LOXL4: variants seen among roughly 807,000 people sequenced by gnomAD.
LOXL4 encodes lysyl oxidase homolog 4.
A neutral mutation model predicts 89.1 loss-of-function variants in LOXL4; 72 were observed. The observed-to-expected ratio is 0.81, with a 90% CI of 0.67 to 0.98. The LOEUF (loss-of-function observed/expected upper bound fraction) is 0.98, where lower values mean the gene tolerates loss of function less well. Among genes scored for constraint, LOXL4 ranks in the 50% least tolerant of loss-of-function variants. The pLI is 0.00. For missense variants in LOXL4, 984 were observed against 1,017.5 expected, an observed-to-expected ratio of 0.97 and a Z score of 0.45; for synonymous variants, 355 against 392.1, an observed-to-expected ratio of 0.91 and a Z score of 1.12.
In LOXL4 at chr10:98,251,051, T is replaced by C; in HGVS notation, c.2200+14A>G. On this transcript the variant is annotated intron_variant, in intron 14 of 14. Transcript: ENST00000260702. ...AGCCTATAGATGGCTGATTCCACAG[T>C]GGCTCGGAGTTACCTGTGTGGCAGT... The C allele has an allele frequency of 6.3e-7, 1 of 1,594,462 alleles. No homozygotes were observed. Among genetic ancestry groups the C allele is most frequent in the Non-Finnish European group, 8.6e-7 (1 of 1,162,732 alleles).
Position 98,259,128 on chromosome 10 carries a change from C to T in LOXL4, c.802G>A (p.Ala268Thr). Residue 268 changes from alanine (A) to threonine (T), a missense_variant, in exon 6 of 15, where the codon GCC becomes ACC. Ala to Thr is a moderately conservative substitution (Grantham distance 58, BLOSUM62 0). Coordinates refer to ENST00000260702, the MANE Select transcript of LOXL4 (RefSeq NM_032211.7). Reference protein sequence around the residue: ...MANCQVQVAPARGKLRPACPG... With the variant: ...MANCQVQVAPTRGKLRPACPG... ...CAGGCTGGCCGCAGCTTGCCCCGGG[C>T]TGGAGCCACCTGCACCTGGCAGTTG... 1.2e-6 allele frequency: 2 copies of T among 1,610,378 alleles called. No individual in the cohort carries two copies. Among genetic ancestry groups the T allele is most frequent in the Non-Finnish European group, 1.7e-6 (2 of 1,178,994 alleles).
chr10:98,252,557 A>C, intron 11 of LOXL4, 89 bp from the exon 12 acceptor site: 1 of 856,882 alleles, frequency 1.2e-6, no homozygotes, highest in Non-Finnish European at 1.9e-6. Flanking sequence ...CCCAGGCCCC[A>C]TCATGACCCG....
At chr10:98,256,757 G>A (rs971169336) in intron 9 of LOXL4, 23 bp downstream of exon 9, 3 of 1,613,702 alleles carry the variant, frequency 1.9e-6, no homozygotes, top group Admixed American at 3.3e-5. Context: ...AGGTCATACG[G>A]AAGAAACAAC....
intron 9 of LOXL4, chr10:98,256,195 A>T (rs1356406289): frequency 5.8e-6 from 1 of 171,232 alleles, no homozygotes; most frequent in Non-Finnish European, 1.2e-5. Flanking sequence ...TCTTGATTTT[A>T]TTTTTTGATG....
In LOXL4 at chr10:98,255,688, C is replaced by G. The variant is rs760848291; in HGVS notation, c.1480G>C (p.Gly494Arg). The G allele has an allele frequency of 5.0e-6, 8 of 1,613,580 alleles. No individual in the cohort carries two copies. In the South Asian group the frequency reaches 8.8e-5, roughly 18 times the overall value. ...TPRAQEVVMS[G>R]VRCSGTELAL... ...AGCTCTGTGCCTGAGCAGCGCACCCCACTCATCACCACCTCCTGGGCCCTT... is the reference window on the plus strand; with the variant it reads ...AGCTCTGTGCCTGAGCAGCGCACCCGACTCATCACCACCTCCTGGGCCCTT... The change falls in exon 10 of 15, where the codon GGG (glycine) becomes CGG (arginine). Residue 494 changes from glycine to arginine, a missense_variant. Coordinates refer to ENST00000260702, the MANE Select transcript of LOXL4 (RefSeq NM_032211.7).
In LOXL4 at chr10:98,257,698, A is replaced by T; in HGVS notation, c.1212T>A (p.Asn404Lys). ...GGACATTGCACCTGACAGCAGCATC[A>T]TTCTCATGTTGGCAACCATTCTGGG... is the stretch of plus-strand genomic sequence containing the variant. ...EGSQNGCQHENDAAVRCNVPN... is the reference protein window; with the variant it reads ...EGSQNGCQHEKDAAVRCNVPN... The change falls in exon 8 of 15, where the codon AAT (asparagine) becomes AAA (lysine). Residue 404 changes from asparagine (N) to lysine (K), a missense_variant. Physicochemically the swap from Asn to Lys is moderately conservative, Grantham distance 94. Transcript: ENST00000260702. The T allele has an allele frequency of 6.2e-7, 1 of 1,614,100 alleles. No individual in the cohort carries two copies. Among genetic ancestry groups the T allele is most frequent in the Non-Finnish European group, 8.5e-7 (1 of 1,179,996 alleles).
chr10:98,251,854 A>C, intron 12 of LOXL4, 152 bp from the exon 13 acceptor site: 1 of 909,074 alleles, frequency 1.1e-6, no homozygotes, highest in Non-Finnish European at 1.6e-6. Flanking sequence ...ACCATAGCAA[A>C]CCACATTGTG....
chr10:98,263,875 C>T lies in LOXL4; in HGVS notation c.-32-824G>A, dbSNP rs147182056. Among the ~76,000 whole-genome samples the T allele has an allele frequency of 6.0e-3, 916 of 151,902 alleles. 5 individuals carry two copies. Among genetic ancestry groups the T allele is most frequent in the African/African-American group, 0.021 (876 of 41,420 alleles). On this transcript the variant is annotated intron_variant, in intron 1 of 14. Coordinates refer to ENST00000260702, the MANE Select transcript of LOXL4 (RefSeq NM_032211.7). ...CCTCCTGAGTAGCTGGGATTACAGG[C>T]GCCCACCACCACGCCCAGCTAATTT...
At chr10:98,262,244 C>T (rs1858564750) in intron 2 of LOXL4, 31 bp from the exon 3 acceptor site, 2 of 1,609,780 alleles carry the variant, frequency 1.2e-6, no homozygotes, top group Non-Finnish European at 1.7e-6. Flanking sequence ...TCAAAGATGG[C>T]ACAGAGAGGC....
Position 98,258,020 on chromosome 10 carries a change from A to G in LOXL4, c.1066T>C (p.Ser356Pro). Residue 356 changes from serine (S) to proline (P), a missense_variant, in exon 7 of 15, where the codon TCT (serine) becomes CCT (proline). Ser to Pro is a moderately conservative substitution (Grantham distance 74). Coordinates refer to ENST00000260702, the MANE Select transcript of LOXL4 (RefSeq NM_032211.7). ...GCCCCAAAGAGGGCCTCCCGAGCAG[A>G]GCCAAAGCCCAGCTGACGACACACG... ...SVVCRQLGFG[S>P]AREALFGARL... The G allele has an allele frequency of 1.2e-6, 2 of 1,613,892 alleles. No homozygotes were observed. Among genetic ancestry groups the G allele is most frequent in the Non-Finnish European group, 1.7e-6 (2 of 1,180,018 alleles).
chr10:98,256,729 TCAGAA>T, intron 9 of LOXL4, 46 bp downstream of exon 9: 1 of 1,608,418 alleles, frequency 6.2e-7, no homozygotes, highest in Non-Finnish European at 8.5e-7. Flanking sequence ...GTTTTGGGCC[TCAGAA>T]CAGGAGGGTG....
In LOXL4 at chr10:98,248,751, C is replaced by G. The variant is rs1564753983; in HGVS notation, c.*170G>C. The stretch of plus-strand genomic sequence containing the variant: ...CAGGCCCAGAGCCATCCTGAGGGAG[C>G]AATACCATCTGGATTGGTGATCTTG... On this transcript the variant is annotated 3_prime_UTR_variant, in exon 15 of 15. Transcript: ENST00000260702. 9.6e-6 allele frequency: 6 copies of G among 628,158 alleles called. No individual in the cohort carries two copies. Among genetic ancestry groups the G allele is most frequent in the Admixed American group, 8.4e-5 (3 of 35,764 alleles). The allele number at this position is 628,158 out of a possible 1,614,324, so 38.9% of individuals were successfully genotyped here.
At chr10:98,252,744 G>A (rs1034103529) in intron 11 of LOXL4, among the ~76,000 whole-genome samples, 10 of 152,216 alleles carry the variant, frequency 6.6e-5, no homozygotes, top group African/African-American at 2.2e-4. Context: ...GGAGGCTGGT[G>A]CCTGACAGCA....
chr10:98,265,056 A>C lies in LOXL4; in HGVS notation c.-32-2005T>G, dbSNP rs537638894. On this transcript the variant is annotated intron_variant, in intron 1 of 14. Coordinates refer to ENST00000260702, the MANE Select transcript of LOXL4 (RefSeq NM_032211.7). Reference sequence around the variant, plus strand: ...GGAATGAAGCTCCATGGGAGTGGGGATGTGTTGTGTCCCCAGTTCCCAAAA... The same window carrying C: ...GGAATGAAGCTCCATGGGAGTGGGGCTGTGTTGTGTCCCCAGTTCCCAAAA... Among the ~76,000 whole-genome samples the C allele has an allele frequency of 2.5e-4, 38 of 152,230 alleles. 2 individuals are homozygous for C. In the South Asian group the frequency reaches 7.5e-3, roughly 30 times the overall value.
At chr10:98,251,957 C>G in intron 12 of LOXL4, 1 of 533,822 alleles carries the variant, frequency 1.9e-6, no homozygotes, top group South Asian at 2.4e-5. Flanking sequence ...TGCTAATTTA[C>G]TTGTGCATCC....
At position 98,265,519 on chromosome 10, in the gene LOXL4, T is replaced by G. The variant is rs376092565; in HGVS notation, c.-32-2468A>C. Among the ~76,000 whole-genome samples, 2 of 129,574 alleles carry G rather than the reference T, an allele frequency of 1.5e-5. 1 individual carries two copies. Among genetic ancestry groups the G allele is most frequent in the East Asian group, 4.2e-4 (2 of 4,706 alleles). 85.0% of individuals were successfully genotyped at this position (129,574 alleles called of 152,430 possible). A position where few individuals can be genotyped will look rare whatever the true frequency, so the allele number is the denominator to read the frequency against. On this transcript the variant is annotated intron_variant, in intron 1 of 14. Coordinates refer to ENST00000260702, the MANE Select transcript of LOXL4 (RefSeq NM_032211.7). ...CCAGGGTTCAAGTGATTATCTTGCC[T>G]TAGCCTCCCAAGTAGCTGGGATTAC...
chr10:98,256,025 T>G, intron 9 of LOXL4: 22 of 314,714 alleles, frequency 7.0e-5, no homozygotes, highest in East Asian at 1.8e-4. Flanking sequence ...GAGGGTCCTG[T>G]TCCCCGCCCC....
At position 98,260,909 on chromosome 10, in the gene LOXL4, G is replaced by C. The variant is rs1858516114; in HGVS notation, c.662+13C>G. ...CCTGCCTCCTGTGGGGCCTACGCCA[G>C]CCGCCCTCCTACCTGTAGTAGTGGC... On this transcript the variant is annotated intron_variant, in intron 4 of 14. Transcript: ENST00000260702. 1 of 1,599,054 alleles carries C rather than the reference G, an allele frequency of 6.3e-7. No homozygotes were observed. Among genetic ancestry groups the C allele is most frequent in the South Asian group, 1.1e-5 (1 of 89,212 alleles).
chr10:98,250,393 A>G (rs1402471138), intron 14 of LOXL4, among the ~76,000 whole-genome samples: 2 of 152,230 alleles, frequency 1.3e-5, no homozygotes, highest in Non-Finnish European at 2.9e-5. Context: ...CACAGCGTTC[A>G]ACACAATAGT....
Sources: allele counts gnomAD v4.1 joint callset (sites outside exome capture counted in the v4.1 genomes callset), GRCh38; gene constraint gnomAD v4.1.1; transcripts MANE v1.5; gene names NCBI Gene and HGNC (gene_info 2026-07-23, HGNC 2026-07-21).